Variants in NEBL observed in about 807,000 individuals in gnomAD.
NEBL encodes LIM and SH3 protein 2.
Under a neutral mutation model 140.2 loss-of-function variants are expected in NEBL, and 122 were observed. The observed-to-expected ratio is 0.87, with a 90% CI of 0.75 to 1.01. The LOEUF (loss-of-function observed/expected upper bound fraction) is 1.01, where lower values mean the gene tolerates loss of function less well. NEBL is among the 50% of genes least tolerant of loss of function. The pLI, the probability that NEBL is intolerant of heterozygous loss-of-function variation, is 0.00. For missense variants in NEBL, 1,365 were observed against 1,231.3 expected (o/e 1.11, Z -1.62); for synonymous variants, 436 against 398.9 (o/e 1.09, Z -1.11).
In NEBL at chr10:21,006,624, T is replaced by C. The variant is rs569798579; in HGVS notation, c.249+13493A>G. On this transcript the variant is annotated intron_variant, in intron 3 of 6. Coordinates refer to the NEBL transcript ENST00000417816. ...ATACCCTGAACTTCTGCATTTATAT[T>C]CTAAAGCAGGCTACCATAACTTTTC... Among the ~76,000 whole-genome samples, 21 of 152,302 alleles carry C rather than the reference T, an allele frequency of 1.4e-4. No homozygotes were observed. In the South Asian group the frequency reaches 4.1e-3, roughly 30 times the overall value.
chr10:21,225,766 T>A (rs553461816), intron 3 of NEBL, among the ~76,000 whole-genome samples: 2 of 152,158 alleles, frequency 1.3e-5, no homozygotes, highest in Non-Finnish European at 2.9e-5. Flanking sequence ...GGCCTGGAAC[T>A]CTTCCTTCAG....
Position 21,174,000 on chromosome 10 carries a change from C to T in NEBL, c.-167G>A, listed in dbSNP as rs1027272615. The T allele has an allele frequency of 2.5e-6, 3 of 1,201,794 alleles. No individual in the cohort carries two copies. Among genetic ancestry groups the T allele is most frequent in the Non-Finnish European group, 3.1e-6 (3 of 972,032 alleles). 74.4% of individuals were successfully genotyped at this position (1,201,794 alleles called of 1,614,324 possible). ...GCCACGGGTGAGTGCACGGGGAGGG[C>T]GACGGGGCCTGGCGCCTGGGGCCGG... On this transcript the variant is annotated 5_prime_UTR_variant, in exon 1 of 7. Coordinates refer to the NEBL transcript ENST00000417816. The surrounding 1 kb of genome is among the most constrained non-coding windows in gnomAD (Gnocchi z 5.7).
chr10:20,881,249 T>C (rs1428690256), intron 4 of NEBL, among the ~76,000 whole-genome samples: 15 of 152,174 alleles, frequency 9.9e-5, no homozygotes, highest in Non-Finnish European at 1.9e-4. Context: ...GAAAAACAAC[T>C]AAGTAGAGGG....
chr10:21,034,167 G>GAAAAAA (rs964552949), intron 2 of NEBL, among the ~76,000 whole-genome samples: 2 of 33,504 alleles, frequency 6.0e-5, no homozygotes, highest in African/African-American at 8.2e-5. Flanking sequence ...ACCCTATCTC[G>GAAAAAA]AAAAAAAAAA....
chr10:20,929,831 G>A (rs569704363), intron 4 of NEBL, among the ~76,000 whole-genome samples: 1 of 152,128 alleles, frequency 6.6e-6, no homozygotes, highest in East Asian at 1.9e-4. Flanking sequence ...TATACTATTG[G>A]GGTGACAGTT....
intron 18 of NEBL, among the ~76,000 whole-genome samples, chr10:20,824,347 TA>T (rs1487804572): frequency 1.3e-5 from 2 of 152,206 alleles, no homozygotes; most frequent in Non-Finnish European, 2.9e-5. Flanking sequence ...AAACAGTACC[TA>T]AATATCTCAG....
At chr10:20,824,994 C>G (rs985457604) in intron 18 of NEBL, among the ~76,000 whole-genome samples, 3 of 152,152 alleles carry the variant, frequency 2.0e-5, no homozygotes, top group African/African-American at 7.2e-5. Context: ...CATGAAAGAT[C>G]AGAAGAACAC....
chr10:20,785,399 G>T lies in NEBL; in HGVS notation c.*348C>A. The stretch of plus-strand genomic sequence containing the variant: ...GGGGTGATTCCAAAGTGACAGCTAA[G>T]AAGTTTCAAACACACACTACATTTA... On this transcript the variant is annotated 3_prime_UTR_variant, in exon 28 of 28. Coordinates refer to ENST00000377122, the MANE Select transcript of NEBL (RefSeq NM_006393.3). The T allele has an allele frequency of 3.2e-6, 1 of 314,384 alleles. No homozygotes were observed. The highest frequency in any genetic ancestry group is 2.1e-5 in the African/African-American group (1 of 46,540). 19.5% of individuals were successfully genotyped at this position (314,384 alleles called of 1,614,324 possible).
At position 20,785,451 on chromosome 10, in the gene NEBL, T is replaced by G; in HGVS notation, c.*296A>C. ...GGGACAATCAACTTCTCTATTAAAG[T>G]CTACAAAAATACATTTCCCAGAAGG... is the stretch of plus-strand genomic sequence containing the variant. On this transcript the variant is annotated 3_prime_UTR_variant, in exon 28 of 28. Coordinates refer to ENST00000377122, the MANE Select transcript of NEBL (RefSeq NM_006393.3). 2.4e-6 allele frequency: 1 copy of G among 416,096 alleles called. No individual in the cohort carries two copies. The highest frequency in any genetic ancestry group is 2.3e-5 in the South Asian group (1 of 42,764). 25.8% of individuals were successfully genotyped at this position (416,096 alleles called of 1,614,324 possible). A position where few individuals can be genotyped will look rare whatever the true frequency, so the allele number is the denominator to read the frequency against.
chr10:20,950,991 C>T lies in NEBL; in HGVS notation c.357+10681G>A, dbSNP rs7901714. 7.1e-3 allele frequency among the ~76,000 whole-genome samples: 1,074 copies of T among 152,170 alleles called. 13 individuals carry two copies. The highest frequency in any genetic ancestry group is 0.025 in the African/African-American group (1,018 of 41,514). ...AAATGGTTAAATATTCCTTTGTGGCCTGGTATGGTGGCTCATACCTGTAAT... is the reference window on the plus strand; with the variant it reads ...AAATGGTTAAATATTCCTTTGTGGCTTGGTATGGTGGCTCATACCTGTAAT... On this transcript the variant is annotated intron_variant, in intron 4 of 6. Coordinates refer to the NEBL transcript ENST00000417816.
chr10:21,130,398 C>T (rs1839047889), intron 2 of NEBL, among the ~76,000 whole-genome samples: 1 of 152,138 alleles, frequency 6.6e-6, no homozygotes, highest in South Asian at 2.1e-4. Context: ...CATCAATCAA[C>T]AGCATATCAT....
At chr10:21,015,856 T>G (rs1394155322) in intron 3 of NEBL, among the ~76,000 whole-genome samples, 1 of 152,214 alleles carries the variant, frequency 6.6e-6, no homozygotes, top group Non-Finnish European at 1.5e-5. Context: ...CCTGGATGTT[T>G]TAAGTTTAGG....
intron 26 of NEBL, among the ~76,000 whole-genome samples, chr10:20,803,123 T>C (rs903609266): frequency 6.6e-6 from 1 of 152,200 alleles, no homozygotes; most frequent in Non-Finnish European, 1.5e-5. Context: ...AAAGGACGTC[T>C]TTCTGGGACA....
intron 4 of NEBL, among the ~76,000 whole-genome samples, chr10:20,944,976 T>A (rs145816965): frequency 6.6e-6 from 1 of 152,232 alleles, no homozygotes; most frequent in East Asian, 1.9e-4. Flanking sequence ...CAGGACTAGA[T>A]TAAGCACTCT....
chr10:21,121,777 T>C (rs186344993), intron 2 of NEBL, among the ~76,000 whole-genome samples: 56 of 152,252 alleles, frequency 3.7e-4, no homozygotes, highest in Non-Finnish European at 7.4e-5. Context: ...AGTAGCACAT[T>C]AGACAGCCTG....
intron 2 of NEBL, among the ~76,000 whole-genome samples, chr10:21,105,792 T>C (rs541931310): frequency 7.9e-5 from 12 of 152,240 alleles, no homozygotes; most frequent in Admixed American, 3.9e-4. Context: ...AACTAATTTA[T>C]ACTCCCACCA....
chr10:20,889,528 T>G (rs1310377129), intron 3 of NEBL, among the ~76,000 whole-genome samples: 1 of 152,196 alleles, frequency 6.6e-6, no homozygotes, highest in Non-Finnish European at 1.5e-5. Context: ...ATGGAACTTC[T>G]AAAGTGAACT....
At chr10:20,816,649 G>A (rs990986795) in intron 21 of NEBL, among the ~76,000 whole-genome samples, 7 of 152,136 alleles carry the variant, frequency 4.6e-5, no homozygotes, top group Non-Finnish European at 1.0e-4. Context: ...TTCTTTGAAC[G>A]TAATAGATTT....
chr10:21,045,122 CTG>C (rs1235110283), intron 2 of NEBL, among the ~76,000 whole-genome samples: 2 of 152,128 alleles, frequency 1.3e-5, no homozygotes, highest in African/African-American at 2.4e-5. Context: ...AAAATTAAAA[CTG>C]TATCTTTAAA....
Sources: allele counts gnomAD v4.1 joint callset (sites outside exome capture counted in the v4.1 genomes callset), GRCh38; gene constraint gnomAD v4.1.1; non-coding constraint Gnocchi (gnomAD v3.1); transcripts MANE v1.5; gene names NCBI Gene and HGNC (gene_info 2026-07-23, HGNC 2026-07-21).